The following LTBP4 variants were observed in gnomAD, a reference collection of about 807,000 sequenced individuals.
LTBP4 encodes latent transforming growth factor beta binding protein 4.
In LTBP4, 93 loss-of-function variants were observed where a neutral mutation model predicts 180.2. The ratio of observed to expected loss-of-function variants is 0.52; its 90% CI spans 0.44 to 0.61. The LOEUF (loss-of-function observed/expected upper bound fraction) is 0.61, where lower values mean the gene tolerates loss of function less well. Among genes scored for constraint, LTBP4 ranks in the 20% least tolerant of loss-of-function variants. The probability of loss-of-function intolerance (pLI) is 0.00; values close to 1 mark genes in which losing one functional copy is unlikely to be tolerated. For synonymous variants in LTBP4, 947 were observed against 934.5 expected (o/e 1.01, Z -0.24); for missense variants, 2,116 against 2,256.5 (o/e 0.94, Z 1.26).
In LTBP4 at chr19:40,609,598, A is replaced by G. The variant is rs2081489304; in HGVS notation, c.1495A>G (p.Ser499Gly). 6.2e-7 allele frequency: 1 copy of G among 1,613,430 alleles called. No homozygotes were observed. The highest frequency in any genetic ancestry group is 1.3e-5 in the African/African-American group (1 of 75,030). ...CGPGRCISRPSGYTCACDSGF... is the reference protein window; with the variant it reads ...CGPGRCISRPGGYTCACDSGF... ...CCCAGGACGCTGCATTTCCCGGCCCAGCGGCTACACCTGCGCTTGCGACTC... is the reference window on the plus strand; with the variant it reads ...CCCAGGACGCTGCATTTCCCGGCCCGGCGGCTACACCTGCGCTTGCGACTC... Residue 499 changes from serine (S) to glycine (G), a missense_variant, in exon 10 of 30, where the codon AGC becomes GGC. Around this residue, in one of 5 missense-constraint regions of LTBP4, gnomAD observed 877 missense variants for 873.6 expected, o/e 1.00. Coordinates refer to ENST00000396819, the MANE Select transcript of LTBP4 (RefSeq NM_001042545.2). The surrounding 1 kb of genome is among the most constrained non-coding windows in gnomAD (Gnocchi z 4.9).
At chr19:40,596,195 C>T (rs1033537275) in intron 1 of LTBP4, among the ~76,000 whole-genome samples, 2 of 152,102 alleles carry the variant, frequency 1.3e-5, no homozygotes, top group Non-Finnish European at 2.9e-5. Flanking sequence ...GCTGGGATTA[C>T]AGGCATGAGC....
intron 5 of LTBP4, 23 bp downstream of exon 5, chr19:40,606,330 G>A (rs1473392604): frequency 1.2e-6 from 2 of 1,601,148 alleles, no homozygotes; most frequent in East Asian, 2.3e-5. Context: ...AGGGGTGGGA[G>A]GGGCTTGGTT....
chr19:40,616,041 A>G (rs1031199690), intron 19 of LTBP4, among the ~76,000 whole-genome samples: 11 of 152,158 alleles, frequency 7.2e-5, no homozygotes, highest in African/African-American at 2.2e-4. Context: ...CCATGCAGAG[A>G]GCTGAGGGGA....
rs773997821 is a variant in LTBP4, at chr19:40,627,690, C to G, written c.4367-15C>G. 1 of 1,578,126 alleles carries G rather than the reference C, an allele frequency of 6.3e-7. No individual in the cohort carries two copies. The highest frequency in any genetic ancestry group is 8.6e-7 in the Non-Finnish European group (1 of 1,163,682). On this transcript the variant is annotated splice_polypyrimidine_tract_variant and intron_variant, in intron 28 of 29. Coordinates refer to ENST00000396819, the MANE Select transcript of LTBP4 (RefSeq NM_001042545.2). ...GCAGGGACCTCAAGTCATAGGGTCC[C>G]CGCATTTCCCACAGGTTCCCTGGCT...
chr19:40,603,078 A>G lies in LTBP4; in HGVS notation c.250+1441A>G, dbSNP rs190820100. ...CTAGACCCGCTCTCCAACCATGGCA[A>G]CAGACTTTAGAGACCACTCCTCCAG... On this transcript the variant is annotated intron_variant, in intron 1 of 29. Coordinates refer to ENST00000396819, the MANE Select transcript of LTBP4 (RefSeq NM_001042545.2). 9.1e-4 allele frequency among the ~76,000 whole-genome samples: 138 copies of G among 152,284 alleles called. 2 individuals are homozygous for G. The highest frequency in any genetic ancestry group is 3.2e-3 in the African/African-American group (132 of 41,550).
intron 1 of LTBP4, among the ~76,000 whole-genome samples, chr19:40,596,150 G>T (rs915120849): frequency 2.6e-5 from 4 of 151,992 alleles, no homozygotes; most frequent in Non-Finnish European, 4.4e-5. Flanking sequence ...TCGAACTCCT[G>T]ACCTCATGAT....
intron 19 of LTBP4, among the ~76,000 whole-genome samples, chr19:40,614,996 C>T (rs568161968): frequency 1.3e-5 from 2 of 152,252 alleles, no homozygotes; most frequent in East Asian, 1.9e-4. Flanking sequence ...GCTTTCCATT[C>T]GCTCGGATGG....
In LTBP4 at chr19:40,608,214, TC is replaced by T. The variant is rs768830675; in HGVS notation, c.1157-3del. The T allele has an allele frequency of 5.6e-6, 9 of 1,613,848 alleles. No homozygotes were observed. Among genetic ancestry groups the T allele is most frequent in the Non-Finnish European group, 6.8e-6 (8 of 1,179,870 alleles). ...TCCTCTCTCTGTCTCTCTTACCTAT[TC>T]CCAGAGGGTTTCCGGGAGATCTGCC... On this transcript the variant is annotated splice_polypyrimidine_tract_variant and splice_region_variant and intron_variant, in intron 7 of 29. Transcript: ENST00000396819.
chr19:40,599,913 C>T (rs2081411891), upstream of LTBP4: 2 of 469,718 alleles, frequency 4.3e-6, no homozygotes, highest in South Asian at 5.2e-5. Context: ...GTCTTTGTTT[C>T]TCTCCCACTA....
chr19:40,614,439 CT>C lies in LTBP4; in HGVS notation c.2806del (p.Cys936ValfsTer90). On this transcript the variant is annotated frameshift_variant, in exon 19 of 30. Transcript: ENST00000396819. LOFTEE classifies it high-confidence loss of function. The stretch of plus-strand genomic sequence containing the variant: ...GGTACCACGCGGGCCCCGAGGGCAC[CT>C]GTGACGGTGAGCCTGCCCCCACCCG... ...PGYHAGPEGT[C>X]DDVDECQEYG... 6.3e-7 allele frequency: 1 copy of C among 1,598,722 alleles called. No individual in the cohort carries two copies. The highest frequency in any genetic ancestry group is 8.5e-7 in the Non-Finnish European group (1 of 1,179,542).
intron 1 of LTBP4, among the ~76,000 whole-genome samples, chr19:40,596,308 C>T (rs1171819946): frequency 1.3e-5 from 2 of 152,208 alleles, no homozygotes; most frequent in Non-Finnish European, 2.9e-5. Context: ...AGCGATCCAC[C>T]TCGGCCTTCC....
chr19:40,626,859 G>A, intron 27 of LTBP4, 116 bp from the exon 28 acceptor site: 2 of 1,302,274 alleles, frequency 1.5e-6, no homozygotes, highest in Non-Finnish European at 2.0e-6. Flanking sequence ...AGAAACCCCG[G>A]GGCCACCCAG....
At chr19:40,604,302 G>A (rs956048237) in intron 1 of LTBP4, among the ~76,000 whole-genome samples, 3 of 152,086 alleles carry the variant, frequency 2.0e-5, no homozygotes, top group African/African-American at 7.2e-5. Context: ...GTAGGACTTC[G>A]TGGACCAAGC....
chr19:40,594,000 GC>G, intron 1 of LTBP4, among the ~76,000 whole-genome samples: 2 of 151,798 alleles, frequency 1.3e-5, no homozygotes, highest in Admixed American at 1.3e-4. Flanking sequence ...CACTGTGTTG[GC>G]CAGGCTGGCC....
At position 40,619,026 on chromosome 19, in the gene LTBP4, C is replaced by T. The variant is rs7259067; in HGVS notation, c.3071-321C>T. Among the ~76,000 whole-genome samples, 78,127 of 151,596 alleles carry T rather than the reference C, an allele frequency of 0.52. 21,956 individuals carry two copies. Among genetic ancestry groups the T allele is most frequent in the African/African-American group, 0.75 (31,014 of 41,348 alleles). The stretch of plus-strand genomic sequence containing the variant: ...TTTTTTTCAATATTTCTAGCAAAAG[C>T]GCCAGGCCTGGCTTTGATTGACCCA... On this transcript the variant is annotated intron_variant, in intron 21 of 29. Coordinates refer to ENST00000396819, the MANE Select transcript of LTBP4 (RefSeq NM_001042545.2).
chr19:40,627,419 G>A, intron 28 of LTBP4, 64 bp downstream of exon 28: 1 of 1,442,728 alleles, frequency 6.9e-7, no homozygotes, highest in Non-Finnish European at 9.1e-7. Context: ...AGAGAGGAGG[G>A]AGGGAAACAG....
rs2081501709 is a variant in LTBP4 at position 40,611,026 on chromosome 19, T to C, written c.1811-126T>C. On this transcript the variant is annotated intron_variant, in intron 12 of 29. Transcript: ENST00000396819. The surrounding 1 kb of genome is among the most constrained non-coding windows in gnomAD (Gnocchi z 4.4). ...GATTGGTGGAGGATGCAGAGTCAGA[T>C]GATGGTGACAAGGAGGAATAGAGAT... 6 of 1,321,474 alleles carry C rather than the reference T, an allele frequency of 4.5e-6. No individual in the cohort carries two copies. The highest frequency in any genetic ancestry group is 6.3e-6 in the Non-Finnish European group (6 of 950,468). The allele number at this position is 1,321,474 out of a possible 1,614,324, so 81.9% of individuals were successfully genotyped here.
Position 40,601,648 on chromosome 19 carries a change from G to T in LTBP4, c.250+11G>T. 4 of 1,354,160 alleles carry T rather than the reference G, an allele frequency of 3.0e-6. No homozygotes were observed. The highest frequency in any genetic ancestry group is 3.8e-6 in the Non-Finnish European group (4 of 1,058,288). The allele number at this position is 1,354,160 out of a possible 1,614,324, so 83.9% of individuals were successfully genotyped here. A position where few individuals can be genotyped will look rare whatever the true frequency, so the allele number is the denominator to read the frequency against. On this transcript the variant is annotated intron_variant, in intron 1 of 29. Transcript: ENST00000396819. ...CCGGCTTCCGCGCCTGTGAGTGCGG[G>T]GTGGTGGTCCCGAGAGAGCGGCTCC...
At chr19:40,606,855 C>G (rs994525650) in intron 6 of LTBP4, among the ~76,000 whole-genome samples, 2 of 152,178 alleles carry the variant, frequency 1.3e-5, no homozygotes, top group Non-Finnish European at 2.9e-5. Context: ...TCAAGTGATT[C>G]TCCTGCCTCG....
Sources: gnomAD v4.1 joint callset for allele counts (sites outside exome capture counted in the v4.1 genomes callset) on GRCh38, gnomAD v4.1.1 for gene constraint, gnomAD v4.1.1 regional missense constraint, Gnocchi (gnomAD v3.1) non-coding constraint, MANE v1.5 for transcripts, NCBI Gene and HGNC (gene_info 2026-07-23, HGNC 2026-07-21) for gene names.